ERH: variants seen among roughly 807,000 people sequenced by gnomAD.
ERH encodes ERH mRNA splicing and mitosis factor, also known as enhancer of rudimentary homolog.
A neutral mutation model predicts 16.8 loss-of-function variants in ERH; 1 was observed. That is an observed-to-expected ratio of 0.06 (90% CI 0.02 to 0.28). ERH has a LOEUF of 0.28. Ranked by LOEUF, ERH falls within the 10% of genes least tolerant of loss-of-function variation. The probability of loss-of-function intolerance (pLI) is 1.00; values close to 1 mark genes in which losing one functional copy is unlikely to be tolerated. For missense variants in ERH, 42 were observed against 127.5 expected (o/e 0.33, Z 3.23); for synonymous variants, 43 against 43.6 (o/e 0.99, Z 0.05).
At chr14:69,396,068 G>C (rs1367032664) in intron 1 of ERH, among the ~76,000 whole-genome samples, 1 of 152,332 alleles carries the variant, frequency 6.6e-6, no homozygotes. Context: ...TCACTGGTCT[G>C]TTGAAAATAT....
chr14:69,384,908 T>A (rs533941375), intron 3 of ERH, among the ~76,000 whole-genome samples: 2 of 152,316 alleles, frequency 1.3e-5, no homozygotes, highest in African/African-American at 4.8e-5. Context: ...TTTCCTCTAA[T>A]GATCTCATCT....
intron 3 of ERH, among the ~76,000 whole-genome samples, chr14:69,381,380 C>T (rs1349201062): frequency 6.6e-6 from 1 of 152,196 alleles, no homozygotes; most frequent in Admixed American, 6.5e-5. Context: ...TTGCTAATTT[C>T]CTTCCCCCTG....
At position 69,394,925 on chromosome 14, in the gene ERH, A is replaced by G; in HGVS notation, c.4-13T>C. 1 of 1,573,524 alleles carries G rather than the reference A, an allele frequency of 6.4e-7. No individual in the cohort carries two copies. Among genetic ancestry groups the G allele is most frequent in the Non-Finnish European group, 8.7e-7 (1 of 1,148,816 alleles). Reference sequence around the variant, plus strand: ...AAATGGTGTGAGACTGCAGGGGAAAACATGATTTCAATATAAGTTTCTATT... The same window carrying G: ...AAATGGTGTGAGACTGCAGGGGAAAGCATGATTTCAATATAAGTTTCTATT... On this transcript the variant is annotated splice_polypyrimidine_tract_variant and intron_variant, in intron 1 of 3. Transcript: ENST00000557016.
At chr14:69,382,768 G>A (rs114008836) in intron 3 of ERH, among the ~76,000 whole-genome samples, 1,707 of 145,580 alleles carry the variant, frequency 0.012, 45 homozygotes, top group African/African-American at 0.042. Context: ...GAACCCTGGC[G>A]ACAGTGCAAG....
rs928777725 is a variant in ERH, at chr14:69,380,482, G to C, written c.*56C>G. On this transcript the variant is annotated 3_prime_UTR_variant, in exon 4 of 4. Transcript: ENST00000557016. ...TGATACAAAACTTCCACTACAGCAC[G>C]CTGTACACACCTGTGTTCCAAGCCC... 8 of 971,330 alleles carry C rather than the reference G, an allele frequency of 8.2e-6. No homozygotes were observed. The highest frequency in any genetic ancestry group is 3.4e-5 in the Admixed American group (2 of 58,222). The allele number at this position is 971,330 out of a possible 1,614,324, so 60.2% of individuals were successfully genotyped here.
chr14:69,380,898 C>T lies in ERH; in HGVS notation c.213-258G>A, dbSNP rs560065612. ...GTTAAATGCCCAATATGTTACATAT[C>T]TACTTCTTGACAGAGTATGACCAGA... On this transcript the variant is annotated intron_variant, in intron 3 of 3. Coordinates refer to ENST00000557016, the MANE Select transcript of ERH (RefSeq NM_004450.3). Among the ~76,000 whole-genome samples, 32 of 152,258 alleles carry T rather than the reference C, an allele frequency of 2.1e-4. 1 individual carries two copies. Among genetic ancestry groups the T allele is most frequent in the Middle Eastern group, 6.8e-3 (2 of 294 alleles).
intron 2 of ERH, among the ~76,000 whole-genome samples, chr14:69,393,858 A>G (rs1423664529): frequency 6.6e-6 from 1 of 152,054 alleles, no homozygotes; most frequent in Non-Finnish European, 1.5e-5. Context: ...CATCTCTATA[A>G]AAAAACCAAA....
At chr14:69,383,526 G>T (rs2045874820) in intron 3 of ERH, among the ~76,000 whole-genome samples, 1 of 152,090 alleles carries the variant, frequency 6.6e-6, no homozygotes. Context: ...AGAACAAAAA[G>T]GACATAACCA....
At chr14:69,394,966 A>T in intron 1 of ERH, 54 bp from the exon 2 acceptor site, 1 of 1,277,902 alleles carries the variant, frequency 7.8e-7, no homozygotes, top group Non-Finnish European at 1.1e-6. Context: ...AATTCATAGT[A>T]TGATAAAAAA....
Position 69,398,088 on chromosome 14 carries a change from A to G in ERH, c.3+143T>C, listed in dbSNP as rs2232049. 3,292 of 1,055,278 alleles carry G rather than the reference A, an allele frequency of 3.1e-3. 60 individuals carry two copies. The African/African-American group carries it at 0.04, about 13-fold the overall frequency. 65.4% of individuals were successfully genotyped at this position (1,055,278 alleles called of 1,614,324 possible). ...CAGGCCTGGCGTCCCTGCGGCGGGAAGAAGGGTCAATCCACCGACTAGAGT... is the reference window on the plus strand; with the variant it reads ...CAGGCCTGGCGTCCCTGCGGCGGGAGGAAGGGTCAATCCACCGACTAGAGT... On this transcript the variant is annotated intron_variant, in intron 1 of 3. Transcript: ENST00000557016.
chr14:69,397,809 T>C (rs1882393121), intron 1 of ERH, among the ~76,000 whole-genome samples: 1 of 151,556 alleles, frequency 6.6e-6, no homozygotes, highest in Admixed American at 6.6e-5. Flanking sequence ...TCCCAGCTAC[T>C]AGGGAGGCTG....
intron 3 of ERH, 95 bp from the exon 4 acceptor site, chr14:69,380,735 G>A (rs2045858042): frequency 3.0e-6 from 2 of 666,384 alleles, no homozygotes; most frequent in Non-Finnish European, 5.4e-6. Context: ...TGGCATAGAT[G>A]TGCACATTTC....
chr14:69,382,066 T>TA (rs1165841220), intron 3 of ERH, among the ~76,000 whole-genome samples: 4 of 152,314 alleles, frequency 2.6e-5, no homozygotes, highest in Middle Eastern at 3.4e-3. Context: ...GGACTGGAGA[T>TA]AGATTTTAAA....
chr14:69,383,421 C>T (rs1177625027), intron 3 of ERH, among the ~76,000 whole-genome samples: 1 of 152,222 alleles, frequency 6.6e-6, no homozygotes, highest in African/African-American at 2.4e-5. Context: ...CGGACCCAGT[C>T]TCTGGTCTGA....
At chr14:69,388,222 A>G (rs2045904230) in intron 2 of ERH, among the ~76,000 whole-genome samples, 1 of 152,258 alleles carries the variant, frequency 6.6e-6, no homozygotes, top group Non-Finnish European at 1.5e-5. Context: ...CACATAAAGC[A>G]TTAGCACATG....
chr14:69,391,029 G>A (rs1319230023), intron 2 of ERH, among the ~76,000 whole-genome samples: 1 of 152,194 alleles, frequency 6.6e-6, no homozygotes, highest in African/African-American at 2.4e-5. Flanking sequence ...ACGCTGGTGG[G>A]AATGCAAAAT....
intron 1 of ERH, 144 bp from the exon 2 acceptor site, chr14:69,395,056 A>G: frequency 1.6e-6 from 1 of 639,188 alleles, no homozygotes; most frequent in Non-Finnish European, 2.7e-6. Context: ...TCCCATGCCT[A>G]TAATCCTCAT....
intron 1 of ERH, 39 bp from the exon 2 acceptor site, chr14:69,394,951 T>C (rs1882299973): frequency 1.4e-6 from 2 of 1,400,354 alleles, no homozygotes; most frequent in East Asian, 4.6e-5. Flanking sequence ...AGTTTCTATT[T>C]GAGAAATTCA....
In ERH at chr14:69,398,217, G is replaced by A; in HGVS notation, c.3+14C>T. 6.2e-7 allele frequency: 1 copy of A among 1,614,104 alleles called. No individual in the cohort carries two copies. Among genetic ancestry groups the A allele is most frequent in the Non-Finnish European group, 8.5e-7 (1 of 1,180,032 alleles). ...GGGGACTCGGACTCGGGTAGCCGCGGAGGCCTTTCTCACCATCGCGCCAAA... is the reference window on the plus strand; with the variant it reads ...GGGGACTCGGACTCGGGTAGCCGCGAAGGCCTTTCTCACCATCGCGCCAAA... On this transcript the variant is annotated intron_variant, in intron 1 of 3. Coordinates refer to ENST00000557016, the MANE Select transcript of ERH (RefSeq NM_004450.3).
Sources: gnomAD v4.1 joint callset for allele counts (sites outside exome capture counted in the v4.1 genomes callset) on GRCh38, gnomAD v4.1.1 for gene constraint, MANE v1.5 for transcripts, NCBI Gene and HGNC (gene_info 2026-07-23, HGNC 2026-07-21) for gene names.